The following MYH14 variants were observed in gnomAD, a reference collection of about 807,000 sequenced individuals.
MYH14 encodes myosin-14.
MYH14 carries 123 observed loss-of-function variants against 255.5 expected under a neutral mutation model. The observed-to-expected ratio is 0.48, with a 90% CI of 0.42 to 0.56. The LOEUF is 0.56. Among genes scored for constraint, MYH14 ranks in the 20% least tolerant of loss-of-function variants. The pLI is 0.00. For synonymous variants in MYH14, 1,095 were observed against 1,161.2 expected (o/e 0.94, Z 1.16); for missense variants, 2,423 against 2,802.3 (o/e 0.86, Z 3.06).
chr19:50,270,921 G>T lies in MYH14; in HGVS notation c.3034-488G>T, dbSNP rs566563647. ...GTGTTAGCCAGGATGGTCTCGATCT[G>T]CTGACCTCGTGATCCGCCTGCCTTG... On this transcript the variant is annotated intron_variant, in intron 24 of 42. Transcript: ENST00000642316. 6.1e-4 allele frequency among the ~76,000 whole-genome samples: 93 copies of T among 152,190 alleles called. 1 individual carries two copies. Among genetic ancestry groups the T allele is most frequent in the Admixed American group, 2.5e-3 (38 of 15,282 alleles).
intron 13 of MYH14, 175 bp from the exon 14 acceptor site, chr19:50,249,475 T>C: frequency 1.4e-6 from 1 of 725,932 alleles, no homozygotes; most frequent in South Asian, 1.8e-5. Flanking sequence ...TGTCTCTGGC[T>C]CTGTCCCCTG....
At position 50,293,725 on chromosome 19, in the gene MYH14, C is replaced by T. The variant is rs755756739; in HGVS notation, c.5469+38C>T. 2 of 1,522,448 alleles carry T rather than the reference C, an allele frequency of 1.3e-6. No individual in the cohort carries two copies. Among genetic ancestry groups the T allele is most frequent in the Non-Finnish European group, 1.8e-6 (2 of 1,134,854 alleles). The allele number at this position is 1,522,448 out of a possible 1,614,324, so 94.3% of individuals were successfully genotyped here. On this transcript the variant is annotated intron_variant, in intron 39 of 42. Transcript: ENST00000642316. This position sits in a 1 kb window ranked among gnomAD's most constrained non-coding sequence, Gnocchi z 4.1. ...GACCGCCCCCACCAGCCTCAGTCCCCATTGACCTGGGACCGTAACCTTCAG... is the reference window on the plus strand; with the variant it reads ...GACCGCCCCCACCAGCCTCAGTCCCTATTGACCTGGGACCGTAACCTTCAG...
chr19:50,205,671 C>T (rs2031702189), intron 1 of MYH14: 1 of 152,762 alleles, frequency 6.5e-6, no homozygotes, highest in Admixed American at 6.5e-5. Flanking sequence ...GGCCGGCTGT[C>T]CCAGGTCTGA....
At position 50,281,697 on chromosome 19, in the gene MYH14, G is replaced by A. The variant is rs1303854176; in HGVS notation, c.4394G>A (p.Arg1465His). 78 of 1,612,004 alleles carry A rather than the reference G, an allele frequency of 4.8e-5. No homozygotes were observed. The highest frequency in any genetic ancestry group is 1.2e-4 in the Admixed American group (7 of 59,916). The change falls in exon 33 of 43, where the codon CGC becomes CAC. Residue 1465 changes from arginine to histidine, a missense_variant. By Grantham distance (29) the Arg-to-His change is conservative. Coordinates refer to ENST00000642316, the MANE Select transcript of MYH14 (RefSeq NM_001145809.2). ...CGGGAGGCCGAGGCCCTGACCCAGC[G>A]CCTGGCAGAAAAGACAGAGACCGTG... The part of the protein sequence containing the change: ...AAREAEALTQ[R>H]LAEKTETVDR...
chr19:50,210,141 T>A (rs1390799376), intron 1 of MYH14, among the ~76,000 whole-genome samples: 2 of 139,760 alleles, frequency 1.4e-5, no homozygotes, highest in Non-Finnish European at 3.1e-5. Context: ...ACTGACCCTC[T>A]GAGCCTGGTT....
In MYH14 at chr19:50,230,308, C is replaced by T. The variant is rs1399664163; in HGVS notation, c.875-217C>T. 6.6e-6 allele frequency among the ~76,000 whole-genome samples: 1 copy of T among 152,166 alleles called. No individual in the cohort carries two copies. The highest frequency in any genetic ancestry group is 2.4e-5 in the African/African-American group (1 of 41,434). On this transcript the variant is annotated intron_variant, in intron 8 of 42. Coordinates refer to ENST00000642316, the MANE Select transcript of MYH14 (RefSeq NM_001145809.2). This position sits in a 1 kb window ranked among gnomAD's most constrained non-coding sequence, Gnocchi z 4.7. ...TCCTAAAGGTGTTATTTTCAAGCCC[C>T]TTGAACAGGTAGATGAGGAAACTGA...
intron 30 of MYH14, 76 bp downstream of exon 30, chr19:50,278,365 T>G: frequency 8.9e-7 from 1 of 1,123,714 alleles, no homozygotes; most frequent in African/African-American, 1.6e-5. Context: ...GGCTTCTATT[T>G]GGTCCATATC....
intron 40 of MYH14, among the ~76,000 whole-genome samples, chr19:50,304,328 G>A (rs2036586944): frequency 6.6e-6 from 1 of 152,142 alleles, no homozygotes; most frequent in Non-Finnish European, 1.5e-5. Context: ...GGTGGCTCAC[G>A]CCTGTAATCC....
rs377517917 is a variant in MYH14 at position 50,276,038 on chromosome 19, G to T, written c.3515G>T (p.Arg1172Leu). The change falls in exon 28 of 43, where the codon CGG (arginine) becomes CTG (leucine). Residue 1172 changes from arginine to leucine, a missense_variant. Arg to Leu is a moderately radical substitution (Grantham distance 102). Around this residue, in one of 3 missense-constraint regions of MYH14, gnomAD observed 1,513 missense variants for 1,674.8 expected, o/e 0.90. Transcript: ENST00000642316. The surrounding 1 kb of genome is among the most constrained non-coding windows in gnomAD (Gnocchi z 4.3). ...CGGGCCCAGCTGCTGAAATCCCTGC[G>T]GGAGGCTCAAGCAGCCCTGGCCGAG... ...GARAQLLKSL[R>L]EAQAALAEAQ... is the part of the protein sequence containing the mutation. 3 of 1,612,688 alleles carry T rather than the reference G, an allele frequency of 1.9e-6. No individual in the cohort carries two copies. The highest frequency in any genetic ancestry group is 2.7e-5 in the African/African-American group (2 of 74,918).
rs1237370119 is a variant in MYH14, at chr19:50,278,134, G to A, written c.3877G>A (p.Glu1293Lys). Residue 1293 changes from glutamate (E) to lysine (K), a missense_variant, in exon 30 of 43, where the codon GAG (glutamate) becomes AAG (lysine). By Grantham distance (56) the Glu-to-Lys change is moderately conservative. Coordinates refer to ENST00000642316, the MANE Select transcript of MYH14 (RefSeq NM_001145809.2). ...TRLALEAEVSELRAELSSLQT... is the reference protein window; with the variant it reads ...TRLALEAEVSKLRAELSSLQT... ...GCTGGCCCTGGAGGCCGAGGTGTCC[G>A]AGCTGCGGGCAGAACTGAGCAGCCT... The A allele has an allele frequency of 1.1e-5, 17 of 1,604,808 alleles. No individual in the cohort carries two copies. The highest frequency in any genetic ancestry group is 1.4e-5 in the Non-Finnish European group (17 of 1,173,188).
Position 50,266,877 on chromosome 19 carries a change from G to T in MYH14, c.2695G>T (p.Val899Leu), listed in dbSNP as rs371045615. The change falls in exon 23 of 43, where the codon GTG becomes TTG. Residue 899 changes from valine (V) to leucine (L), a missense_variant and splice_region_variant. Coordinates refer to ENST00000642316, the MANE Select transcript of MYH14 (RefSeq NM_001145809.2). The surrounding 1 kb of genome is among the most constrained non-coding windows in gnomAD (Gnocchi z 4.1). ...TTCCACCCCTTTCACCTCCACCTAGGTGAAGCCACTGCTGCAGGTGACGCG... is the reference window on the plus strand; with the variant it reads ...TTCCACCCCTTTCACCTCCACCTAGTTGAAGCCACTGCTGCAGGTGACGCG... Reference protein sequence around the residue: ...HWQWWRLFTKVKPLLQVTRQD... With the variant: ...HWQWWRLFTKLKPLLQVTRQD... 3.9e-6 allele frequency: 6 copies of T among 1,551,656 alleles called. No homozygotes were observed. In the African/African-American group the frequency reaches 8.2e-5, roughly 21 times the overall value.
chr19:50,305,499 A>G (rs1000897801), intron 40 of MYH14, among the ~76,000 whole-genome samples: 2 of 152,052 alleles, frequency 1.3e-5, no homozygotes, highest in Admixed American at 1.3e-4. Flanking sequence ...GGTGCATGAG[A>G]CAAGTGGTTC....
Position 50,259,252 on chromosome 19 carries a change from G to C in MYH14, c.2341G>C (p.Glu781Gln). 6.3e-7 allele frequency: 1 copy of C among 1,583,580 alleles called. No individual in the cohort carries two copies. Residue 781 changes from glutamate to glutamine, a missense_variant, in exon 19 of 43, where the codon GAG (glutamate) becomes CAG (glutamine). Coordinates refer to ENST00000642316, the MANE Select transcript of MYH14 (RefSeq NM_001145809.2). ...QGFPNRILFQ[E>Q]FRQRYEILTP... ...CTTCCCCAACCGCATCCTCTTCCAG[G>C]AGTTCCGGCAGCGGTGAGCTAGAGC... is the stretch of plus-strand genomic sequence containing the variant.
At chr19:50,243,620 C>A (rs866644580) in intron 10 of MYH14, among the ~76,000 whole-genome samples, 2 of 152,096 alleles carry the variant, frequency 1.3e-5, no homozygotes, top group African/African-American at 2.4e-5. Flanking sequence ...AGAGCAAGAC[C>A]CCATTCAAAA....
chr19:50,209,895 C>T (rs1279906687), intron 1 of MYH14, among the ~76,000 whole-genome samples: 9 of 151,094 alleles, frequency 6.0e-5, no homozygotes, highest in South Asian at 2.1e-4. Context: ...GTCAGGAGTT[C>T]GAGACCAGCC....
chr19:50,276,134 A>C lies in MYH14; in HGVS notation c.3611A>C (p.Glu1204Ala). Residue 1204 changes from glutamate (E) to alanine (A), a missense_variant, in exon 28 of 43, where the codon GAG (glutamate) becomes GCG (alanine). Coordinates refer to ENST00000642316, the MANE Select transcript of MYH14 (RefSeq NM_001145809.2). The surrounding 1 kb of genome is among the most constrained non-coding windows in gnomAD (Gnocchi z 4.3). Reference sequence around the variant, plus strand: ...GAGAAGCAGCGCCGGGACCTGGGCGAGGAGCTGGAGGCGCTGCGGGGCGAG... The same window carrying C: ...GAGAAGCAGCGCCGGGACCTGGGCGCGGAGCTGGAGGCGCTGCGGGGCGAG... ...KAEKQRRDLG[E>A]ELEALRGELE... 1 of 1,587,620 alleles carries C rather than the reference A, an allele frequency of 6.3e-7. No homozygotes were observed. Among genetic ancestry groups the C allele is most frequent in the Non-Finnish European group, 8.6e-7 (1 of 1,168,324 alleles).
In MYH14 at chr19:50,227,621, C is replaced by T. The variant is rs188422596; in HGVS notation, c.874+655C>T. ...GAAATCCAGGTGCCCAGACGCTAGC[C>T]AGGGGCCCACCTGGCCAGCAGGCCT... On this transcript the variant is annotated intron_variant, in intron 8 of 42. Coordinates refer to ENST00000642316, the MANE Select transcript of MYH14 (RefSeq NM_001145809.2). Among the ~76,000 whole-genome samples, 182 of 152,342 alleles carry T rather than the reference C, an allele frequency of 1.2e-3. 2 individuals are homozygous for T. The highest frequency in any genetic ancestry group is 4.1e-3 in the African/African-American group (172 of 41,580).
chr19:50,307,102 A>G lies in MYH14; in HGVS notation c.5732A>G (p.Glu1911Gly), dbSNP rs1325289599. ...CGCAGAGCTGAGAAGCGGCTTAAAG[A>G]GGTGGTGCTCCAGGTGGAGGAGGAG... ...LVRRAEKRLKEVVLQVEEERR... is the reference protein window; with the variant it reads ...LVRRAEKRLKGVVLQVEEERR... Residue 1911 changes from glutamate (E) to glycine (G), a missense_variant, in exon 41 of 43, where the codon GAG becomes GGG. Glu to Gly is a moderately conservative substitution (Grantham distance 98, BLOSUM62 -2). This residue lies in a region of MYH14 where 1,513 missense variants were observed against 1,674.8 expected (regional missense o/e 0.90). Transcript: ENST00000642316. 9.7e-6 allele frequency: 15 copies of G among 1,550,738 alleles called. No individual in the cohort carries two copies. The highest frequency in any genetic ancestry group is 1.3e-5 in the Non-Finnish European group (15 of 1,146,880).
intron 23 of MYH14, 26 bp downstream of exon 23, chr19:50,267,034 G>C: frequency 6.5e-7 from 1 of 1,532,474 alleles, no homozygotes; most frequent in Middle Eastern, 2.3e-4. Context: ...CAGGGCGTGG[G>C]GGCGTGTCTT....
Sources: gnomAD v4.1 joint callset for allele counts (sites outside exome capture counted in the v4.1 genomes callset) on GRCh38, gnomAD v4.1.1 for gene constraint, gnomAD v4.1.1 regional missense constraint, Gnocchi (gnomAD v3.1) non-coding constraint, MANE v1.5 for transcripts, NCBI Gene and HGNC (gene_info 2026-07-23, HGNC 2026-07-21) for gene names.